EPB41L2: variants seen among roughly 807,000 people sequenced by gnomAD.
EPB41L2 encodes erythrocyte membrane protein band 4.1 like 2, also known as band 4.1-like protein 2.
EPB41L2 carries 43 observed loss-of-function variants against 113.0 expected under a neutral mutation model. The observed-to-expected ratio is 0.38, with a 90% confidence interval of 0.30 to 0.49. EPB41L2 has a LOEUF of 0.49. Ranked by LOEUF, EPB41L2 falls within the 20% of genes least tolerant of loss-of-function variation. EPB41L2 has a pLI of 0.95. For synonymous variants in EPB41L2, 442 were observed against 436.7 expected (o/e 1.01, Z -0.15); for missense variants, 1,147 against 1,223.4 (o/e 0.94, Z 0.93).
At chr6:130,842,566 G>A (rs1018556082) in intron 19 of EPB41L2, among the ~76,000 whole-genome samples, 1 of 152,048 alleles carries the variant, frequency 6.6e-6, no homozygotes, top group African/African-American at 2.4e-5. Flanking sequence ...GATGCTATCA[G>A]GGCCTGAAAA....
chr6:130,907,623 C>A (rs1406508164), intron 5 of EPB41L2, among the ~76,000 whole-genome samples: 1 of 151,356 alleles, frequency 6.6e-6, no homozygotes, highest in Non-Finnish European at 1.5e-5. Context: ...GATGAGTCTA[C>A]AGGAAGAGGA....
At chr6:130,848,473 A>G (rs1039332240) in intron 19 of EPB41L2, among the ~76,000 whole-genome samples, 1 of 152,250 alleles carries the variant, frequency 6.6e-6, no homozygotes, top group Non-Finnish European at 1.5e-5. Context: ...TCAATAAGTA[A>G]TTAATTTAAA....
intron 3 of EPB41L2, among the ~76,000 whole-genome samples, chr6:130,953,480 A>T (rs1055634934): frequency 6.6e-6 from 1 of 152,066 alleles, no homozygotes; most frequent in Non-Finnish European, 1.5e-5. Context: ...GAACACTTGG[A>T]CACAGGAAGG....
intron 1 of EPB41L2, among the ~76,000 whole-genome samples, chr6:131,050,528 T>C (rs1221133528): frequency 7.9e-5 from 12 of 152,216 alleles, no homozygotes; most frequent in Non-Finnish European, 1.5e-5. Flanking sequence ...CATCCTGTCA[T>C]TTCCTCAGAC....
At chr6:130,895,419 G>T (rs1214644146) in intron 8 of EPB41L2, among the ~76,000 whole-genome samples, 7 of 152,186 alleles carry the variant, frequency 4.6e-5, no homozygotes, top group Non-Finnish European at 1.0e-4. Context: ...GGAGCTAACA[G>T]AGAAGAAAGG....
intron 1 of EPB41L2, 153 bp downstream of exon 1, chr6:131,063,002 C>T (rs1028945728): frequency 3.3e-5 from 5 of 152,594 alleles, no homozygotes; most frequent in African/African-American, 1.2e-4. Flanking sequence ...TCCCCGCCCC[C>T]CATCCCGGTG....
chr6:130,979,384 A>G (rs1472869212), intron 1 of EPB41L2, among the ~76,000 whole-genome samples: 2 of 151,224 alleles, frequency 1.3e-5, no homozygotes, highest in Admixed American at 1.3e-4. Flanking sequence ...AATCCCAGCT[A>G]CTTGGGAGGC....
chr6:131,036,078 A>C (rs758618514), intron 1 of EPB41L2, among the ~76,000 whole-genome samples: 1 of 152,188 alleles, frequency 6.6e-6, no homozygotes, highest in Non-Finnish European at 1.5e-5. Flanking sequence ...GAATCATTTA[A>C]AATTTCAGGG....
At chr6:131,028,555 T>C (rs1320442157) in intron 1 of EPB41L2, among the ~76,000 whole-genome samples, 1 of 152,188 alleles carries the variant, frequency 6.6e-6, no homozygotes, top group Non-Finnish European at 1.5e-5. Context: ...ACTATAATAC[T>C]ACATTGTCTA....
At chr6:130,902,398 C>T (rs1349351347) in intron 6 of EPB41L2, among the ~76,000 whole-genome samples, 3 of 152,242 alleles carry the variant, frequency 2.0e-5, no homozygotes, top group East Asian at 1.9e-4. Context: ...TCAGGCAGGG[C>T]GGGGACTCTG....
chr6:130,995,561 T>A (rs528534290), intron 1 of EPB41L2, among the ~76,000 whole-genome samples: 1 of 152,348 alleles, frequency 6.6e-6, no homozygotes, highest in East Asian at 1.9e-4. Context: ...CACGGGCACA[T>A]GTCTTCAGGA....
chr6:130,873,572 T>C (rs1334763998), intron 14 of EPB41L2, among the ~76,000 whole-genome samples: 2 of 152,108 alleles, frequency 1.3e-5, no homozygotes, highest in Non-Finnish European at 2.9e-5. Flanking sequence ...TTTAAGTGAT[T>C]TTCCTGCCTC....
chr6:131,051,466 ACAC>A (rs372448150), intron 1 of EPB41L2, among the ~76,000 whole-genome samples: 1 of 138,982 alleles, frequency 7.2e-6, no homozygotes, highest in Admixed American at 7.1e-5. Context: ...AAAAAAAAAA[ACAC>A]ACACACACAC....
At chr6:131,026,259 C>T (rs1329315733) in intron 1 of EPB41L2, among the ~76,000 whole-genome samples, 1 of 152,172 alleles carries the variant, frequency 6.6e-6, no homozygotes, top group Non-Finnish European at 1.5e-5. Flanking sequence ...TGCTCATAAG[C>T]TTTATCATTA....
chr6:130,953,717 G>A (rs80187274), intron 3 of EPB41L2, among the ~76,000 whole-genome samples: 3,672 of 151,986 alleles, frequency 0.024, 49 homozygotes, highest in Non-Finnish European at 0.036. Context: ...TAATCACTCT[G>A]CCTTCATGAC....
At chr6:130,909,340 C>T (rs1798652883) in intron 4 of EPB41L2, among the ~76,000 whole-genome samples, 1 of 152,182 alleles carries the variant, frequency 6.6e-6, no homozygotes, top group Non-Finnish European at 1.5e-5. Flanking sequence ...ACTACTCCTC[C>T]TCCTTAATCC....
chr6:130,858,271 G>A (rs1562309975), intron 18 of EPB41L2, 28 bp from the exon 19 acceptor site: 3 of 1,579,274 alleles, frequency 1.9e-6, no homozygotes, highest in Non-Finnish European at 2.6e-6. Context: ...GAGAACGGCT[G>A]TGAGCTGGGG....
intron 8 of EPB41L2, among the ~76,000 whole-genome samples, chr6:130,897,370 G>T (rs545733663): frequency 6.6e-6 from 1 of 152,154 alleles, no homozygotes; most frequent in Non-Finnish European, 1.5e-5. Context: ...TACCTAAGGA[G>T]TCTATCGGAT....
intron 18 of EPB41L2, among the ~76,000 whole-genome samples, chr6:130,862,211 A>G (rs1782331856): frequency 1.3e-5 from 2 of 152,326 alleles, no homozygotes; most frequent in South Asian, 4.1e-4. Flanking sequence ...GGCTTTTGTT[A>G]TAAAAGGCAA....
Sources: allele counts gnomAD v4.1 joint callset (sites outside exome capture counted in the v4.1 genomes callset), GRCh38; gene constraint gnomAD v4.1.1; transcripts MANE v1.5; gene names NCBI Gene and HGNC (gene_info 2026-07-23, HGNC 2026-07-21).